Variants in GLIPR1L1 observed in about 807,000 individuals in gnomAD.
The protein encoded by GLIPR1L1 is GLIPR1-like protein 1.
GLIPR1L1 carries 26 observed loss-of-function variants against 29.9 expected under a neutral mutation model. The ratio of observed to expected loss-of-function variants is 0.87; its 90% CI spans 0.64 to 1.21. The LOEUF is 1.21. Among genes scored for constraint, GLIPR1L1 ranks in the 50% most tolerant of loss-of-function variants. GLIPR1L1 has a pLI of 0.00. For synonymous variants in GLIPR1L1, 77 were observed against 97.5 expected, an observed-to-expected ratio of 0.79 and a Z score of 1.24; for missense variants, 305 against 290.3, an observed-to-expected ratio of 1.05 and a Z score of -0.37.
chr12:75,346,786 T>C (rs2042479535), intron 2 of GLIPR1L1, among the ~76,000 whole-genome samples: 1 of 152,204 alleles, frequency 6.6e-6, no homozygotes, highest in Non-Finnish European at 1.5e-5. Flanking sequence ...AATTGATACA[T>C]CAATTTACGA....
At chr12:75,339,458 T>A (rs1455994354) in intron 1 of GLIPR1L1, among the ~76,000 whole-genome samples, 1 of 152,208 alleles carries the variant, frequency 6.6e-6, no homozygotes, top group Admixed American at 6.5e-5. Context: ...GTTCTTTAAA[T>A]TTATTTAATC....
intron 3 of GLIPR1L1, among the ~76,000 whole-genome samples, chr12:75,357,986 GTAA>G (rs575994406): frequency 6.8e-6 from 1 of 147,904 alleles, no homozygotes; most frequent in Non-Finnish European, 1.5e-5. Flanking sequence ...AAAAAAAAAA[GTAA>G]TAACAAAAAT....
At chr12:75,352,234 T>C (rs188461720) in intron 3 of GLIPR1L1, among the ~76,000 whole-genome samples, 89 of 152,242 alleles carry the variant, frequency 5.8e-4, no homozygotes, top group Non-Finnish European at 1.2e-3. Flanking sequence ...AGAGCCAACA[T>C]CCATCAGTGA....
intron 3 of GLIPR1L1, among the ~76,000 whole-genome samples, chr12:75,348,322 A>T (rs1296951081): frequency 1.3e-5 from 2 of 152,212 alleles, no homozygotes; most frequent in Non-Finnish European, 2.9e-5. Context: ...AAAAACAAAG[A>T]CAAAGAATAA....
intron 2 of GLIPR1L1, among the ~76,000 whole-genome samples, chr12:75,346,295 T>C (rs1010122395): frequency 2.0e-5 from 3 of 152,234 alleles, no homozygotes; most frequent in African/African-American, 7.2e-5. Context: ...AATGCTCTTT[T>C]AATCATCTCA....
At chr12:75,349,124 C>T (rs1364875849) in intron 3 of GLIPR1L1, among the ~76,000 whole-genome samples, 1 of 152,054 alleles carries the variant, frequency 6.6e-6, no homozygotes, top group Non-Finnish European at 1.5e-5. Flanking sequence ...TATTGATTAA[C>T]ACATGCACGT....
chr12:75,339,112 A>C (rs570469253), intron 1 of GLIPR1L1, among the ~76,000 whole-genome samples: 1 of 152,244 alleles, frequency 6.6e-6, no homozygotes, highest in African/African-American at 2.4e-5. Context: ...CTTTGGGTAC[A>C]TACCCAGTAA....
At chr12:75,349,639 G>A (rs1203881414) in intron 3 of GLIPR1L1, among the ~76,000 whole-genome samples, 1 of 152,098 alleles carries the variant, frequency 6.6e-6, no homozygotes, top group Admixed American at 6.5e-5. Context: ...ATTAAAAACA[G>A]AGGACTACAA....
At chr12:75,341,355 A>G (rs995029778) in intron 1 of GLIPR1L1, among the ~76,000 whole-genome samples, 8 of 152,242 alleles carry the variant, frequency 5.3e-5, no homozygotes, top group Non-Finnish European at 1.2e-4. Context: ...TAACATCCCC[A>G]TGGCTCTCAA....
intron 3 of GLIPR1L1, among the ~76,000 whole-genome samples, chr12:75,359,639 G>A (rs529915374): frequency 6.6e-5 from 10 of 152,040 alleles, no homozygotes; most frequent in African/African-American, 2.4e-4. Flanking sequence ...TAGACAAATA[G>A]ATTAGTGAAA....
chr12:75,359,890 T>A (rs1174318424), intron 3 of GLIPR1L1: 2 of 152,168 alleles, frequency 1.3e-5, no homozygotes, highest in African/African-American at 4.8e-5. Context: ...GGGTCATTTA[T>A]AAAGGAAATA....
intron 1 of GLIPR1L1, 135 bp downstream of exon 1, chr12:75,335,037 C>T: frequency 1.3e-6 from 1 of 795,326 alleles, no homozygotes; most frequent in Non-Finnish European, 2.0e-6. Flanking sequence ...AAAAAATTCA[C>T]ACCTTGGTTG....
At chr12:75,359,010 C>T (rs958718035) in intron 3 of GLIPR1L1, among the ~76,000 whole-genome samples, 1 of 149,572 alleles carries the variant, frequency 6.7e-6, no homozygotes, top group Non-Finnish European at 1.5e-5. Flanking sequence ...GACCATAGGA[C>T]AGATTTGGCC....
At chr12:75,336,082 GAAGT>G (rs1294578459) in intron 1 of GLIPR1L1, among the ~76,000 whole-genome samples, 8 of 151,924 alleles carry the variant, frequency 5.3e-5, no homozygotes, top group African/African-American at 1.9e-4. Context: ...AAAATGAAGT[GAAGT>G]GTCAATAGAA....
At chr12:75,353,869 C>T (rs982024736) in intron 3 of GLIPR1L1, among the ~76,000 whole-genome samples, 1 of 152,096 alleles carries the variant, frequency 6.6e-6, no homozygotes. Context: ...TTCATTATAT[C>T]ATCAGAACTA....
chr12:75,340,891 C>A (rs1289583558), intron 1 of GLIPR1L1, among the ~76,000 whole-genome samples: 1 of 151,810 alleles, frequency 6.6e-6, no homozygotes, highest in Non-Finnish European at 1.5e-5. Context: ...TCACGACACA[C>A]CAATTAGGAA....
rs1463566931 is a variant in GLIPR1L1, at chr12:75,359,355, G to GTTT, written c.522-3746_522-3745insTTT. Among the ~76,000 whole-genome samples the GTTT allele has an allele frequency of 1.7e-3, 77 of 46,430 alleles. 1 individual carries two copies. Among genetic ancestry groups the GTTT allele is most frequent in the Non-Finnish European group, 3.0e-3 (71 of 23,528 alleles). The allele number at this position is 46,430 out of a possible 152,430, so 30.5% of individuals were successfully genotyped here. A position where few individuals can be genotyped will look rare whatever the true frequency, so the allele number is the denominator to read the frequency against. On this transcript the variant is annotated intron_variant, in intron 3 of 5. Coordinates refer to ENST00000378695, the MANE Select transcript of GLIPR1L1 (RefSeq NM_001304964.2). ...ATGAGTTAGAAGACTCAGCATTGTTGTCTTTTTTTTTTTTTTTTTTTTTTT... is the reference window on the plus strand; with the variant it reads ...ATGAGTTAGAAGACTCAGCATTGTTGTTTTCTTTTTTTTTTTTTTTTTTTTTTT...
chr12:75,344,128 T>G (rs1431013892), intron 2 of GLIPR1L1, among the ~76,000 whole-genome samples, 190 bp downstream of exon 2: 1 of 152,142 alleles, frequency 6.6e-6, no homozygotes, highest in Non-Finnish European at 1.5e-5. Context: ...TGCAGTTCAC[T>G]GGCCTTTTTG....
chr12:75,364,474 C>G (rs918915069), intron 4 of GLIPR1L1, among the ~76,000 whole-genome samples: 5 of 152,190 alleles, frequency 3.3e-5, no homozygotes, highest in African/African-American at 1.2e-4. Flanking sequence ...CAGTGGAACC[C>G]CTATTGCCAA....
Sources: gnomAD v4.1 joint callset for allele counts (sites outside exome capture counted in the v4.1 genomes callset) on GRCh38, gnomAD v4.1.1 for gene constraint, MANE v1.5 for transcripts, NCBI Gene and HGNC (gene_info 2026-07-23, HGNC 2026-07-21) for gene names.